USP50: variants seen among roughly 807,000 people sequenced by gnomAD.
The protein encoded by USP50 is ubiquitin carboxyl-terminal hydrolase 50.
USP50 carries 37 observed loss-of-function variants against 39.2 expected under a neutral mutation model. The ratio of observed to expected loss-of-function variants is 0.94; its 90% CI spans 0.73 to 1.24. The LOEUF (loss-of-function observed/expected upper bound fraction) is 1.24. Ranked by LOEUF, USP50 falls within the 50% of genes most tolerant of loss-of-function variation. The pLI is 0.00. For synonymous variants in USP50, 139 were observed against 144.5 expected, an observed-to-expected ratio of 0.96 and a Z score of 0.27; for missense variants, 374 against 398.2, an observed-to-expected ratio of 0.94 and a Z score of 0.52.
chr15:50,526,257 G>A (rs968895321), intron 6 of USP50, among the ~76,000 whole-genome samples: 20 of 152,088 alleles, frequency 1.3e-4, no homozygotes, highest in South Asian at 2.1e-4. Flanking sequence ...ATGGGGATTC[G>A]CCATGTTGCC....
downstream of USP50, chr15:50,497,167 C>T (rs767857177): frequency 3.1e-6 from 5 of 1,610,222 alleles, no homozygotes; most frequent in Non-Finnish European, 4.2e-6. Context: ...CAGAGCTCGA[C>T]GGGATTCTCT....
chr15:50,493,580 T>C, downstream of USP50: 3 of 475,960 alleles, frequency 6.3e-6, no homozygotes, highest in Non-Finnish European at 1.2e-5. Flanking sequence ...AAGGCAAAAC[T>C]CCGTCTCTAC....
intron 6 of USP50, among the ~76,000 whole-genome samples, chr15:50,518,690 C>G (rs942544842): frequency 3.3e-5 from 5 of 150,624 alleles, no homozygotes; most frequent in African/African-American, 1.2e-4. Context: ...AACATAAGAC[C>G]TGAAACGATA....
At chr15:50,537,065 A>G (rs1010982611) in intron 5 of USP50, among the ~76,000 whole-genome samples, 3 of 152,188 alleles carry the variant, frequency 2.0e-5, no homozygotes, top group African/African-American at 4.8e-5. Flanking sequence ...AATAATCAAG[A>G]CAATGTGGTA....
chr15:50,495,660 AAGTG>A (rs1397661238), downstream of USP50, among the ~76,000 whole-genome samples: 2 of 152,076 alleles, frequency 1.3e-5, no homozygotes, highest in East Asian at 1.9e-4. Context: ...TCCTTCAATA[AAGTG>A]AGTGAGTTTT....
rs535741597 is a variant in USP50 at position 50,494,282 on chromosome 15, T to TAAGA, written n.185-156_185-153dup. On this transcript the variant is annotated intron_variant and non_coding_transcript_variant, in intron 1 of 1. Transcript: ENST00000560159. ...GGTCTCCATGAAGATCTAAATAAAG[T>TAAGA]AAGAAATTTGATTTTTCTAAGTTGC... 2.6e-3 allele frequency: 4,122 copies of TAAGA among 1,592,458 alleles called. 8 individuals carry two copies. The highest frequency in any genetic ancestry group is 7.2e-3 in the Middle Eastern group (39 of 5,448).
At chr15:50,517,598 T>G (rs1280701671) in intron 6 of USP50, among the ~76,000 whole-genome samples, 2 of 152,108 alleles carry the variant, frequency 1.3e-5, no homozygotes, top group African/African-American at 4.8e-5. Flanking sequence ...TTAAACAGTA[T>G]GCTCCTGAAT....
At chr15:50,542,571 C>T (rs1023630806) in intron 3 of USP50, among the ~76,000 whole-genome samples, 1 of 148,860 alleles carries the variant, frequency 6.7e-6, no homozygotes, top group Non-Finnish European at 1.5e-5. Context: ...TCACTGCAAC[C>T]TCCGCCTCCT....
downstream of USP50, chr15:50,495,779 C>A: frequency 7.8e-7 from 1 of 1,281,446 alleles, no homozygotes; most frequent in South Asian, 1.4e-5. Flanking sequence ...TTTGTATTCA[C>A]TTTTATTCTT....
In USP50 at chr15:50,500,777, G is replaced by A. The variant is rs909058218; in HGVS notation, c.997C>T (p.Gln333Ter). The A allele has an allele frequency of 4.4e-6, 7 of 1,588,398 alleles. No homozygotes were observed. The African/African-American group carries it at 9.4e-5, about 21-fold the overall frequency. Residue 333 changes from glutamine to a stop codon, truncating the protein, a stop_gained, in exon 7 of 7, where the codon CAG becomes TAG. Coordinates refer to ENST00000532404, the MANE Select transcript of USP50 (RefSeq NM_203494.5). LOFTEE classifies it high-confidence loss of function. ...YTAFCKNSVT[Q>*]A ...GTGTTATCAAAGCTATATCAGGCCT[G>A]GGTGACTGAATTCTTGCAGAAAGCA...
rs1328870467 is a variant in USP50, at chr15:50,532,007, C to T, written c.804-2078G>A. 9.8e-6 allele frequency: 4 copies of T among 407,990 alleles called. No homozygotes were observed. In the East Asian group the frequency reaches 2.1e-4, roughly 22 times the overall value. 25.3% of individuals were successfully genotyped at this position (407,990 alleles called of 1,614,324 possible). A position where few individuals can be genotyped will look rare whatever the true frequency, so the allele number is the denominator to read the frequency against. ...ACCAGCAAACATAGAGAATCACAGA[C>T]TTACCAGAGCCAAAACTGCCGAGCA... is the stretch of plus-strand genomic sequence containing the variant. On this transcript the variant is annotated intron_variant, in intron 5 of 6. Transcript: ENST00000532404.
chr15:50,494,700 T>C (rs2052307103), intron 1 of USP50, among the ~76,000 whole-genome samples: 1 of 152,214 alleles, frequency 6.6e-6, no homozygotes, highest in Non-Finnish European at 1.5e-5. Context: ...CATGCCTTTA[T>C]TCTTACACAT....
At chr15:50,521,581 C>A (rs2052851119) in intron 6 of USP50, among the ~76,000 whole-genome samples, 1 of 152,038 alleles carries the variant, frequency 6.6e-6, no homozygotes, top group Non-Finnish European at 1.5e-5. Flanking sequence ...ACAACAACAA[C>A]AAAATCAATG....
intron 6 of USP50, chr15:50,506,202 A>C (rs1195034225): frequency 6.6e-6 from 1 of 152,512 alleles, no homozygotes; most frequent in Non-Finnish European, 1.5e-5. Flanking sequence ...AAAACAACAC[A>C]GCAGAGGTCC....
intron 6 of USP50, among the ~76,000 whole-genome samples, chr15:50,517,180 G>C (rs925400197): frequency 6.6e-6 from 1 of 152,164 alleles, no homozygotes; most frequent in South Asian, 2.1e-4. Context: ...CTTTAAAAAT[G>C]TAAGCGGAGG....
chr15:50,514,218 T>C (rs1023166561), intron 6 of USP50: 2 of 152,142 alleles, frequency 1.3e-5, no homozygotes, highest in East Asian at 1.9e-4. Context: ...CAAAAATCTA[T>C]AAATCTGTCC....
At chr15:50,531,598 T>G (rs192660968) in intron 5 of USP50, among the ~76,000 whole-genome samples, 1 of 152,276 alleles carries the variant, frequency 6.6e-6, no homozygotes, top group African/African-American at 2.4e-5. Context: ...GGTTTATATG[T>G]TGGTTGTAAT....
intron 6 of USP50, among the ~76,000 whole-genome samples, chr15:50,515,415 T>C (rs1423218963): frequency 1.3e-5 from 2 of 152,066 alleles, no homozygotes; most frequent in Non-Finnish European, 2.9e-5. Flanking sequence ...CTAATTTTTG[T>C]ATTTTTGGTA....
intron 6 of USP50, among the ~76,000 whole-genome samples, chr15:50,525,833 T>C (rs1050782818): frequency 1.3e-5 from 2 of 151,330 alleles, no homozygotes; most frequent in African/African-American, 4.9e-5. Context: ...AGCTAATGTA[T>C]TGATGGATTA....
Sources: gnomAD v4.1 joint callset for allele counts (sites outside exome capture counted in the v4.1 genomes callset) on GRCh38, gnomAD v4.1.1 for gene constraint, MANE v1.5 for transcripts, NCBI Gene and HGNC (gene_info 2026-07-23, HGNC 2026-07-21) for gene names.